Variants in ARHGAP19 observed in about 807,000 individuals in gnomAD.
The protein encoded by ARHGAP19 is rho GTPase-activating protein 19.
A neutral mutation model predicts 60.9 loss-of-function variants in ARHGAP19; 48 were observed. That is an observed-to-expected ratio of 0.79 (90% CI 0.62 to 1.00). The LOEUF (loss-of-function observed/expected upper bound fraction) is 1.00. ARHGAP19 is among the 50% of genes least tolerant of loss of function. The probability of loss-of-function intolerance (pLI) is 0.00; values close to 1 mark genes in which losing one functional copy is unlikely to be tolerated. For missense variants in ARHGAP19, 562 were observed against 597.2 expected, an observed-to-expected ratio of 0.94 and a Z score of 0.61; for synonymous variants, 209 against 215.5, an observed-to-expected ratio of 0.97 and a Z score of 0.27.
intron 1 of ARHGAP19, among the ~76,000 whole-genome samples, chr10:97,275,651 TG>T (rs1254573935): frequency 1.6e-4 from 1 of 6,284 alleles, no homozygotes; most frequent in African/African-American, 5.2e-4. Flanking sequence ...GGGAGGGAGG[TG>T]GGGGGGGGTC....
At position 97,289,640 on chromosome 10, in the gene ARHGAP19, C is replaced by T. The variant is rs904891678; in HGVS notation, c.56+2932G>A. Among the ~76,000 whole-genome samples the T allele has an allele frequency of 2.0e-5, 3 of 151,838 alleles. No homozygotes were observed. The East Asian group carries it at 5.8e-4, about 29-fold the overall frequency. ...CACTTATGCCAGGAACTCAAGACCA[C>T]CCTGGGCAACATGGCAAGACCCCGG... On this transcript the variant is annotated intron_variant, in intron 1 of 11. Coordinates refer to ENST00000358531, the MANE Select transcript of ARHGAP19 (RefSeq NM_032900.6).
chr10:97,268,777 G>A (rs1842929017), intron 1 of ARHGAP19, among the ~76,000 whole-genome samples: 1 of 152,152 alleles, frequency 6.6e-6, no homozygotes, highest in South Asian at 2.1e-4. Context: ...GGGATTATGG[G>A]AGCTAGAATT....
At chr10:97,250,964 G>T (rs1842635881) in intron 6 of ARHGAP19, among the ~76,000 whole-genome samples, 1 of 151,454 alleles carries the variant, frequency 6.6e-6, no homozygotes, top group South Asian at 2.1e-4. Context: ...TTGGGAATCT[G>T]AGGTGGGAGG....
At chr10:97,281,550 G>A (rs1380937128) in intron 1 of ARHGAP19, among the ~76,000 whole-genome samples, 2 of 152,178 alleles carry the variant, frequency 1.3e-5, no homozygotes, top group African/African-American at 2.4e-5. Flanking sequence ...TCGATCACTT[G>A]TGTGTCATTT....
chr10:97,279,098 TAAG>T (rs1843052957), intron 1 of ARHGAP19, among the ~76,000 whole-genome samples: 2 of 152,210 alleles, frequency 1.3e-5, no homozygotes, highest in African/African-American at 4.8e-5. Context: ...AGCTGTTAGA[TAAG>T]AAATACAACT....
At chr10:97,272,540 A>G (rs984957374) in intron 1 of ARHGAP19, among the ~76,000 whole-genome samples, 9 of 152,164 alleles carry the variant, frequency 5.9e-5, no homozygotes, top group Non-Finnish European at 1.2e-4. Context: ...TCTTTGTGAA[A>G]AAGTTTTTCA....
At chr10:97,226,459 T>C (rs1016916107) in intron 11 of ARHGAP19, among the ~76,000 whole-genome samples, 10 of 152,224 alleles carry the variant, frequency 6.6e-5, no homozygotes, top group African/African-American at 2.2e-4. Flanking sequence ...GCAGCCTACA[T>C]AGTTCATTTG....
At chr10:97,228,814 G>GC (rs1850948017) in intron 11 of ARHGAP19, among the ~76,000 whole-genome samples, 1 of 152,198 alleles carries the variant, frequency 6.6e-6, no homozygotes, top group African/African-American at 2.4e-5. Context: ...TCCCAGCACT[G>GC]TTGAACTTGG....
intron 6 of ARHGAP19, among the ~76,000 whole-genome samples, chr10:97,253,898 G>C (rs1039237106): frequency 6.6e-6 from 1 of 152,148 alleles, no homozygotes; most frequent in Non-Finnish European, 1.5e-5. Flanking sequence ...TACATATAGG[G>C]TTTGGTACTA....
chr10:97,228,511 G>C (rs1850941360), intron 11 of ARHGAP19, among the ~76,000 whole-genome samples: 2 of 152,282 alleles, frequency 1.3e-5, no homozygotes, highest in Admixed American at 6.5e-5. Flanking sequence ...AGAATGGGTG[G>C]TTTTCCTGGG....
intron 9 of ARHGAP19, among the ~76,000 whole-genome samples, chr10:97,233,731 G>T (rs1411376634): frequency 6.6e-6 from 1 of 152,094 alleles, no homozygotes; most frequent in East Asian, 1.9e-4. Context: ...AGCCAGGCAT[G>T]GTGGCGCACG....
chr10:97,233,667 A>G (rs1851069651), intron 9 of ARHGAP19, among the ~76,000 whole-genome samples: 5 of 152,178 alleles, frequency 3.3e-5, no homozygotes, highest in Admixed American at 3.3e-4. Context: ...CACGAGTTCG[A>G]GACCAGCCTG....
intron 1 of ARHGAP19, among the ~76,000 whole-genome samples, chr10:97,285,020 C>A (rs1025369270): frequency 1.3e-5 from 2 of 151,640 alleles, no homozygotes; most frequent in African/African-American, 2.4e-5. Context: ...CATGCCACTG[C>A]ACCCAGCTAA....
intron 5 of ARHGAP19, among the ~76,000 whole-genome samples, chr10:97,258,927 T>A (rs1842791171): frequency 6.6e-6 from 1 of 152,160 alleles, no homozygotes; most frequent in African/African-American, 2.4e-5. Context: ...AGACTACATA[T>A]CTACAGGAAA....
intron 2 of ARHGAP19, chr10:97,265,298 T>C: frequency 5.5e-6 from 1 of 180,954 alleles, no homozygotes; most frequent in Non-Finnish European, 1.2e-5. Flanking sequence ...GGCCAGGAGT[T>C]TGAGACCAGC....
At chr10:97,238,632 T>C (rs1474630753) in intron 8 of ARHGAP19, among the ~76,000 whole-genome samples, 1 of 152,190 alleles carries the variant, frequency 6.6e-6, no homozygotes, top group East Asian at 1.9e-4. Flanking sequence ...TACAGATGCA[T>C]AGTGTTTTTG....
intron 4 of ARHGAP19, among the ~76,000 whole-genome samples, chr10:97,263,142 GATCT>G (rs1842853189): frequency 1.3e-5 from 2 of 152,226 alleles, no homozygotes; most frequent in African/African-American, 4.8e-5. Flanking sequence ...ACTACTCGAG[GATCT>G]ATCAGAGATT....
chr10:97,257,124 AAAACAAAC>A (rs773134403), intron 5 of ARHGAP19, among the ~76,000 whole-genome samples: 9 of 152,070 alleles, frequency 5.9e-5, no homozygotes, highest in Non-Finnish European at 1.0e-4. Flanking sequence ...CTGTCTCAAA[AAAACAAAC>A]AAACAAACAA....
At position 97,265,896 on chromosome 10, in the gene ARHGAP19, C is replaced by G; in HGVS notation, c.286G>C (p.Gly96Arg). 6.2e-7 allele frequency: 1 copy of G among 1,614,126 alleles called. No individual in the cohort carries two copies. The highest frequency in any genetic ancestry group is 1.1e-5 in the South Asian group (1 of 91,082). Residue 96 changes from glycine (G) to arginine (R), a missense_variant, in exon 2 of 12, where the codon GGA becomes CGA. Physicochemically the swap from Gly to Arg is moderately radical, Grantham distance 125. Transcript: ENST00000358531. ...AGAGACATGAGAGACCGGAAGAATC[C>G]TGATGCTGGGCCAGCCCCGCCAGGC... ...KLPGGAGPAS[G>R]FFRSLMSLKR...
Sources: allele counts gnomAD v4.1 joint callset (sites outside exome capture counted in the v4.1 genomes callset), GRCh38; gene constraint gnomAD v4.1.1; transcripts MANE v1.5; gene names NCBI Gene and HGNC (gene_info 2026-07-23, HGNC 2026-07-21).